ABTB3: variants seen among roughly 807,000 people sequenced by gnomAD.
The protein encoded by ABTB3 is ankyrin repeat- and BTB/POZ domain-containing protein 3.
At chr12:107,390,758 G>T in the ABTB3 span, among the ~76,000 whole-genome samples, 1 of 152,212 alleles carries the variant, frequency 6.6e-6, no homozygotes, top group Non-Finnish European at 1.5e-5. Context: ...AAAAGAAAGA[G>T]ATTGGAATTT....
chr12:107,587,945 C>A, the ABTB3 span, among the ~76,000 whole-genome samples: 1 of 152,140 alleles, frequency 6.6e-6, no homozygotes. Context: ...TTTCTAGAGG[C>A]TAAAAATCCA....
chr12:107,385,574 G>A, the ABTB3 span, among the ~76,000 whole-genome samples: 4 of 152,304 alleles, frequency 2.6e-5, no homozygotes, highest in South Asian at 2.1e-4. Flanking sequence ...GTGAGGTTCC[G>A]AGAAGCCTTC....
chr12:107,420,592 A>G, the ABTB3 span, among the ~76,000 whole-genome samples: 1 of 152,078 alleles, frequency 6.6e-6, no homozygotes, highest in African/African-American at 2.4e-5. Flanking sequence ...GGGAGCTACA[A>G]TTCAAGATGA....
chr12:107,651,815 G>A, the ABTB3 span: 55 of 1,576,566 alleles, frequency 3.5e-5, no homozygotes, highest in East Asian at 3.4e-4. Context: ...CGCGCAGTGC[G>A]CACACAGGAG....
chr12:107,402,925 TC>T, the ABTB3 span, among the ~76,000 whole-genome samples: 1 of 152,028 alleles, frequency 6.6e-6, no homozygotes, highest in Non-Finnish European at 1.5e-5. Context: ...TGCTGGCTTG[TC>T]CCCCCACCCA....
the ABTB3 span, among the ~76,000 whole-genome samples, chr12:107,431,372 A>G: frequency 6.6e-6 from 1 of 152,172 alleles, no homozygotes; most frequent in African/African-American, 2.4e-5. Context: ...GCACTTTGGG[A>G]GGCCAAGGCA....
At chr12:107,654,813 TATACACACACACACACACAC>T in the ABTB3 span, among the ~76,000 whole-genome samples, 1 of 95,992 alleles carries the variant, frequency 1.0e-5, no homozygotes, top group African/African-American at 5.5e-5. Context: ...GTCTACATTG[TATACACACACACACACACAC>T]ACACACACAC....
chr12:107,333,018 G>A, the ABTB3 span, among the ~76,000 whole-genome samples: 1 of 152,224 alleles, frequency 6.6e-6, no homozygotes, highest in African/African-American at 2.4e-5. Context: ...GCTGCATTTA[G>A]TGACCTCACA....
the ABTB3 span, among the ~76,000 whole-genome samples, chr12:107,516,977 T>A: frequency 1.3e-5 from 2 of 152,228 alleles, no homozygotes; most frequent in South Asian, 4.1e-4. Flanking sequence ...TTGCCTAGGT[T>A]TTCTTCTAGG....
At chr12:107,630,721 C>A in the ABTB3 span, among the ~76,000 whole-genome samples, 1 of 152,162 alleles carries the variant, frequency 6.6e-6, no homozygotes, top group African/African-American at 2.4e-5. Context: ...AGGCATGCAC[C>A]ACCACACCGG....
the ABTB3 span, among the ~76,000 whole-genome samples, chr12:107,392,489 G>A: frequency 0.015 from 2,239 of 152,218 alleles, 12 homozygotes; most frequent in Non-Finnish European, 0.022. Flanking sequence ...CACGCAGGTC[G>A]TTCTGTTCTG....
the ABTB3 span, among the ~76,000 whole-genome samples, chr12:107,536,000 A>G: frequency 6.6e-6 from 1 of 152,286 alleles, no homozygotes; most frequent in East Asian, 1.9e-4. Flanking sequence ...AAGTATACTA[A>G]GCAATAATAA....
chr12:107,517,142 TG>T, the ABTB3 span, among the ~76,000 whole-genome samples: 3 of 152,200 alleles, frequency 2.0e-5, no homozygotes, highest in Non-Finnish European at 4.4e-5. Context: ...CCCCATTTCT[TG>T]TTTTTGTCAG....
the ABTB3 span, among the ~76,000 whole-genome samples, chr12:107,409,118 C>T: frequency 6.6e-5 from 10 of 152,220 alleles, no homozygotes; most frequent in African/African-American, 1.7e-4. Context: ...TTCTGTCTCT[C>T]TGTGTCTCTG....
At chr12:107,594,338 C>T in the ABTB3 span, among the ~76,000 whole-genome samples, 1 of 152,114 alleles carries the variant, frequency 6.6e-6, no homozygotes, top group African/African-American at 2.4e-5. Context: ...GTATCTCTCC[C>T]AAATCAGGAA....
At chr12:107,456,860 CTT>C in the ABTB3 span, among the ~76,000 whole-genome samples, 3 of 144,806 alleles carry the variant, frequency 2.1e-5, no homozygotes, top group African/African-American at 2.5e-5. Flanking sequence ...TCTTTCTTTT[CTT>C]TTTTTTTTTT....
chr12:107,658,013 G>T, the ABTB3 span: 13 of 424,498 alleles, frequency 3.1e-5, no homozygotes, highest in East Asian at 5.3e-4. Flanking sequence ...TGAATGGATT[G>T]AGGCCTTTTA....
chr12:107,374,203 G>A, the ABTB3 span, among the ~76,000 whole-genome samples: 1 of 152,200 alleles, frequency 6.6e-6, no homozygotes, highest in Admixed American at 6.5e-5. Flanking sequence ...CCTCTGCTCC[G>A]TTTTCCAAAT....
the ABTB3 span, among the ~76,000 whole-genome samples, chr12:107,339,345 G>A: frequency 3.3e-5 from 5 of 152,248 alleles, no homozygotes; most frequent in South Asian, 8.3e-4. Context: ...GTGTTGCACC[G>A]GATTCTTGAA....
Sources: allele counts gnomAD v4.1 joint callset (sites outside exome capture counted in the v4.1 genomes callset), GRCh38; gene constraint gnomAD v4.1.1; transcripts MANE v1.5; gene names NCBI Gene and HGNC (gene_info 2026-07-23, HGNC 2026-07-21).